Variants in FCHSD2 observed in about 807,000 individuals in gnomAD.
FCHSD2 encodes the protein FCH and double SH3 domains 2, also known as F-BAR and double SH3 domains protein 2.
In FCHSD2, 38 loss-of-function variants were observed where a neutral mutation model predicts 108.1. The ratio of observed to expected loss-of-function variants is 0.35; its 90% CI spans 0.27 to 0.46. The LOEUF (loss-of-function observed/expected upper bound fraction) is 0.46. FCHSD2 is among the 20% of genes least tolerant of loss of function. FCHSD2 has a pLI of 1.00. For synonymous variants in FCHSD2, 279 were observed against 314.7 expected (o/e 0.89, Z 1.20); for missense variants, 751 against 897.8 (o/e 0.84, Z 2.09).
intron 8 of FCHSD2, chr11:72,941,002 C>T (rs1565333308): frequency 2.0e-5 from 15 of 742,886 alleles, no homozygotes; most frequent in Non-Finnish European, 2.5e-5. Flanking sequence ...ATCTACAGGC[C>T]GAAAGAGCCA....
intron 8 of FCHSD2, among the ~76,000 whole-genome samples, chr11:72,978,175 C>T (rs1591451434): frequency 6.8e-6 from 1 of 147,418 alleles, no homozygotes; most frequent in African/African-American, 2.5e-5. Context: ...GTGGGGGGAG[C>T]GGGGAGGGAT....
chr11:72,979,710 C>A (rs1007033540), intron 8 of FCHSD2, among the ~76,000 whole-genome samples: 1 of 152,038 alleles, frequency 6.6e-6, no homozygotes, highest in East Asian at 1.9e-4. Context: ...TGCCCACTTT[C>A]GCAAGAAGGT....
intron 5 of FCHSD2, among the ~76,000 whole-genome samples, chr11:72,994,433 C>T (rs1485902271): frequency 4.6e-5 from 7 of 152,000 alleles, no homozygotes; most frequent in Non-Finnish European, 7.4e-5. Context: ...AGCAGTGATC[C>T]CATTAAGATG....
chr11:73,074,509 AG>A (rs1343810785), intron 3 of FCHSD2, among the ~76,000 whole-genome samples: 1 of 152,250 alleles, frequency 6.6e-6, no homozygotes, highest in Non-Finnish European at 1.5e-5. Context: ...TAAAAATTCC[AG>A]AACATTGCAT....
intron 2 of FCHSD2, among the ~76,000 whole-genome samples, chr11:73,093,833 G>A (rs1860013570): frequency 1.3e-5 from 2 of 151,884 alleles, no homozygotes; most frequent in African/African-American, 2.4e-5. Flanking sequence ...TCGAACTCCC[G>A]ACCTCAGGTG....
chr11:73,063,469 C>T (rs1390892784), intron 3 of FCHSD2, among the ~76,000 whole-genome samples: 3 of 152,116 alleles, frequency 2.0e-5, no homozygotes, highest in East Asian at 3.8e-4. Context: ...GGGCTAAATG[C>T]CCCAATTAAA....
chr11:72,998,946 C>T (rs1286153993), intron 5 of FCHSD2, among the ~76,000 whole-genome samples: 1 of 152,142 alleles, frequency 6.6e-6, no homozygotes, highest in African/African-American at 2.4e-5. Flanking sequence ...GGATTGCTAC[C>T]TTTAAGATTT....
chr11:73,056,757 A>C (rs1859034497), intron 3 of FCHSD2, among the ~76,000 whole-genome samples: 1 of 152,206 alleles, frequency 6.6e-6, no homozygotes, highest in Admixed American at 6.5e-5. Flanking sequence ...TCAAATTCAG[A>C]CTGAGCAGCA....
chr11:73,001,615 T>C (rs1050205677), intron 4 of FCHSD2, among the ~76,000 whole-genome samples: 20 of 152,222 alleles, frequency 1.3e-4, no homozygotes, highest in African/African-American at 4.8e-4. Context: ...CCTGTATATA[T>C]AGTACATTGT....
chr11:72,928,687 G>A (rs1463714722), intron 8 of FCHSD2, among the ~76,000 whole-genome samples: 1 of 152,108 alleles, frequency 6.6e-6, no homozygotes, highest in East Asian at 1.9e-4. Flanking sequence ...GTAGGTGAGA[G>A]GAGGCCCAAG....
At chr11:73,064,931 A>C (rs1859255404) in intron 3 of FCHSD2, among the ~76,000 whole-genome samples, 1 of 152,190 alleles carries the variant, frequency 6.6e-6, no homozygotes, top group Admixed American at 6.5e-5. Context: ...CAGAGGTACA[A>C]AGGGGAGTTG....
chr11:73,051,137 T>G (rs1858889148), intron 3 of FCHSD2, among the ~76,000 whole-genome samples: 1 of 152,128 alleles, frequency 6.6e-6, no homozygotes, highest in African/African-American at 2.4e-5. Flanking sequence ...GCTAACAAAG[T>G]GAGACCCTGT....
At chr11:73,108,124 T>A (rs769568949) in intron 2 of FCHSD2, among the ~76,000 whole-genome samples, 1 of 152,212 alleles carries the variant, frequency 6.6e-6, no homozygotes, top group African/African-American at 2.4e-5. Context: ...TGGGGTAATA[T>A]CTCATTGTAG....
chr11:73,020,349 T>A (rs1005308469), intron 3 of FCHSD2, among the ~76,000 whole-genome samples: 6 of 152,210 alleles, frequency 3.9e-5, no homozygotes, highest in African/African-American at 9.7e-5. Flanking sequence ...ATCCATTTCA[T>A]CCCTCAGCAT....
intron 12 of FCHSD2, among the ~76,000 whole-genome samples, chr11:72,885,024 G>A (rs551277654): frequency 3.9e-5 from 6 of 152,106 alleles, no homozygotes; most frequent in Admixed American, 3.3e-4. Context: ...CGATAAAAAC[G>A]AAAAACCACT....
At chr11:72,980,644 C>A in intron 8 of FCHSD2, among the ~76,000 whole-genome samples, 1 of 146,878 alleles carries the variant, frequency 6.8e-6, no homozygotes, top group South Asian at 2.2e-4. Context: ...AATTTGCAAT[C>A]ATGTATATAT....
chr11:73,121,894 G>A (rs1170739509), intron 2 of FCHSD2, among the ~76,000 whole-genome samples: 2 of 152,142 alleles, frequency 1.3e-5, no homozygotes, highest in Non-Finnish European at 2.9e-5. Context: ...TCCAGATGGT[G>A]TTGATACCAC....
chr11:72,996,762 A>G (rs1857525478), intron 5 of FCHSD2, among the ~76,000 whole-genome samples: 1 of 152,190 alleles, frequency 6.6e-6, no homozygotes, highest in African/African-American at 2.4e-5. Flanking sequence ...TCTAGACTGG[A>G]AAGTGTAAAA....
At position 73,121,625 on chromosome 11, in the gene FCHSD2, T is replaced by G. The variant is rs561686408; in HGVS notation, c.119+18406A>C. Among the ~76,000 whole-genome samples, 4 of 151,486 alleles carry G rather than the reference T, an allele frequency of 2.6e-5. No homozygotes were observed. In the South Asian group the frequency reaches 8.3e-4, roughly 32 times the overall value. ...ACCTGTAAAGCTTAAGACAATAAAGTCTTAACAAAGAATCAGTAATTGTTA... is the reference window on the plus strand; with the variant it reads ...ACCTGTAAAGCTTAAGACAATAAAGGCTTAACAAAGAATCAGTAATTGTTA... On this transcript the variant is annotated intron_variant, in intron 2 of 19. Transcript: ENST00000409418.
Sources: gnomAD v4.1 joint callset for allele counts (sites outside exome capture counted in the v4.1 genomes callset) on GRCh38, gnomAD v4.1.1 for gene constraint, MANE v1.5 for transcripts, NCBI Gene and HGNC (gene_info 2026-07-23, HGNC 2026-07-21) for gene names.